GPC5: variants seen among roughly 807,000 people sequenced by gnomAD.
GPC5 encodes glypican-5.
In GPC5, 47 loss-of-function variants were observed where a neutral mutation model predicts 53.9. The ratio of observed to expected loss-of-function variants is 0.87; its 90% confidence interval spans 0.69 to 1.11. GPC5 has a LOEUF of 1.11. Ranked by LOEUF, GPC5 falls within the 50% of genes most tolerant of loss-of-function variation. The pLI, the probability that GPC5 is intolerant of heterozygous loss-of-function variation, is 0.00. For missense variants in GPC5, 748 were observed against 713.1 expected, an observed-to-expected ratio of 1.05 and a Z score of -0.56; for synonymous variants, 286 against 263.3, an observed-to-expected ratio of 1.09 and a Z score of -0.84.
chr13:92,853,930 A>C (rs1401691224), intron 7 of GPC5, among the ~76,000 whole-genome samples: 1 of 152,112 alleles, frequency 6.6e-6, no homozygotes, highest in Non-Finnish European at 1.5e-5. Context: ...AAGTCTTCTC[A>C]TCTATAAACT....
chr13:91,730,571 T>C (rs1008988396), intron 4 of GPC5, among the ~76,000 whole-genome samples: 2 of 152,136 alleles, frequency 1.3e-5, no homozygotes, highest in African/African-American at 4.8e-5. Context: ...CAGAGCTCAA[T>C]TGCAAAGCAA....
intron 7 of GPC5, among the ~76,000 whole-genome samples, chr13:92,322,859 G>C (rs892332693): frequency 1.3e-5 from 2 of 151,936 alleles, no homozygotes; most frequent in East Asian, 3.9e-4. Context: ...ACAAGAAAAG[G>C]CCCTTGAACT....
chr13:92,286,993 G>A (rs1300877483), intron 7 of GPC5, among the ~76,000 whole-genome samples: 1 of 152,166 alleles, frequency 6.6e-6, no homozygotes, highest in Admixed American at 6.5e-5. Flanking sequence ...GAGGCCCTCA[G>A]AAGAAACCAA....
intron 7 of GPC5, among the ~76,000 whole-genome samples, chr13:92,483,448 G>T (rs1024940149): frequency 6.6e-6 from 1 of 152,110 alleles, no homozygotes; most frequent in African/African-American, 2.4e-5. Context: ...CAGTGTAAAA[G>T]ATAAAAAATA....
At chr13:91,803,729 G>A (rs187236056) in intron 5 of GPC5, among the ~76,000 whole-genome samples, 2 of 149,412 alleles carry the variant, frequency 1.3e-5, no homozygotes, top group East Asian at 4.0e-4. Flanking sequence ...TTGTTAAGTT[G>A]CCTCTGGTAG....
At chr13:92,085,113 C>G (rs1468302891) in intron 6 of GPC5, among the ~76,000 whole-genome samples, 4 of 152,174 alleles carry the variant, frequency 2.6e-5, no homozygotes, top group Admixed American at 6.5e-5. Flanking sequence ...AAGCCTTCAT[C>G]TCTTAATACT....
intron 7 of GPC5, among the ~76,000 whole-genome samples, chr13:92,381,063 C>G (rs1252042139): frequency 6.6e-6 from 1 of 152,144 alleles, no homozygotes. Context: ...CTGTGTAAGT[C>G]CATTCTTGCA....
chr13:91,532,780 C>T (rs1886409607), intron 2 of GPC5, among the ~76,000 whole-genome samples: 1 of 152,006 alleles, frequency 6.6e-6, no homozygotes, highest in African/African-American at 2.4e-5. Flanking sequence ...GTGGGAGGAT[C>T]ACTTGAGCTT....
At chr13:92,751,249 A>C (rs1009877239) in intron 7 of GPC5, among the ~76,000 whole-genome samples, 4 of 143,026 alleles carry the variant, frequency 2.8e-5, no homozygotes, top group Non-Finnish European at 6.1e-5. Flanking sequence ...ACATTTGAAA[A>C]GGTACCTACG....
chr13:92,166,956 T>TCACA (rs199854897), intron 7 of GPC5, among the ~76,000 whole-genome samples: 111 of 84,802 alleles, frequency 1.3e-3, no homozygotes, highest in African/African-American at 4.7e-3. Context: ...TCTCTCTCTC[T>TCACA]CACACACACA....
At chr13:91,989,591 G>C (rs1006111906) in intron 6 of GPC5, among the ~76,000 whole-genome samples, 1 of 152,092 alleles carries the variant, frequency 6.6e-6, no homozygotes, top group African/African-American at 2.4e-5. Flanking sequence ...TAGTGCCTTT[G>C]AGTACTGTTA....
intron 6 of GPC5, among the ~76,000 whole-genome samples, chr13:92,097,965 C>T (rs1479156982): frequency 1.3e-5 from 2 of 152,136 alleles, no homozygotes; most frequent in Non-Finnish European, 2.9e-5. Flanking sequence ...TGCTTGACAC[C>T]TTTAAGTCTT....
At chr13:91,876,151 G>C (rs1248194211) in intron 5 of GPC5, among the ~76,000 whole-genome samples, 1 of 152,124 alleles carries the variant, frequency 6.6e-6, no homozygotes, top group African/African-American at 2.4e-5. Flanking sequence ...CCAGTCTTGT[G>C]GAACTGTAAG....
chr13:92,544,763 G>A (rs1273063230), intron 7 of GPC5, among the ~76,000 whole-genome samples: 1 of 151,914 alleles, frequency 6.6e-6, no homozygotes, highest in Non-Finnish European at 1.5e-5. Context: ...AAATATGTGA[G>A]CTGAAATAAC....
In GPC5 at chr13:91,734,480, A is replaced by G. The variant is rs1045965200; in HGVS notation, c.1154+5815A>G. Among the ~76,000 whole-genome samples the G allele has an allele frequency of 2.0e-5, 3 of 151,420 alleles. 1 individual carries two copies. Among genetic ancestry groups the G allele is most frequent in the African/African-American group, 4.9e-5 (2 of 40,692 alleles). ...TTTCATTTGACCTCTGTAAGCCTCT[A>G]TTTAGACTCACAGGATAATGGTATT... On this transcript the variant is annotated intron_variant, in intron 4 of 7. Coordinates refer to ENST00000377067, the MANE Select transcript of GPC5 (RefSeq NM_004466.6).
At chr13:92,170,579 C>T (rs114385732) in intron 7 of GPC5, among the ~76,000 whole-genome samples, 1,895 of 151,856 alleles carry the variant, frequency 0.012, 33 homozygotes, top group African/African-American at 0.044. Context: ...GCCACTCAGC[C>T]ACGCCCAGCT....
intron 7 of GPC5, among the ~76,000 whole-genome samples, chr13:92,685,267 A>AT (rs969357685): frequency 2.0e-5 from 3 of 151,688 alleles, no homozygotes; most frequent in African/African-American, 4.8e-5. Context: ...TGATTTTTGT[A>AT]TTTTTTTAGT....
rs989644146 is a variant in GPC5 at position 91,419,582 on chromosome 13, A to G, written c.163+20373A>G. Among the ~76,000 whole-genome samples, 14 of 152,338 alleles carry G rather than the reference A, an allele frequency of 9.2e-5. No homozygotes were observed. The East Asian group carries it at 2.7e-3, about 29-fold the overall frequency. ...AGATTATATAATGATACTAGTAATAAGCCAGTAGGTAAATTTTCTTTAACT... is the reference window on the plus strand; with the variant it reads ...AGATTATATAATGATACTAGTAATAGGCCAGTAGGTAAATTTTCTTTAACT... On this transcript the variant is annotated intron_variant, in intron 1 of 7. Coordinates refer to ENST00000377067, the MANE Select transcript of GPC5 (RefSeq NM_004466.6).
intron 7 of GPC5, among the ~76,000 whole-genome samples, chr13:92,219,505 T>G (rs2042433806): frequency 6.6e-6 from 1 of 152,080 alleles, no homozygotes; most frequent in South Asian, 2.1e-4. Context: ...ACCCCTACTT[T>G]CCACACCCAA....
Sources: gnomAD v4.1 joint callset for allele counts (sites outside exome capture counted in the v4.1 genomes callset) on GRCh38, gnomAD v4.1.1 for gene constraint, MANE v1.5 for transcripts, NCBI Gene and HGNC (gene_info 2026-07-23, HGNC 2026-07-21) for gene names.